Variants in CLEC2B observed in about 807,000 individuals in gnomAD.
CLEC2B encodes C-type lectin domain family 2 member B.
A neutral mutation model predicts 16.2 loss-of-function variants in CLEC2B; 14 were observed. The observed-to-expected ratio is 0.86, with a 90% CI of 0.57 to 1.35. The LOEUF (loss-of-function observed/expected upper bound fraction) is 1.35, where lower values mean the gene tolerates loss of function less well. CLEC2B is among the 40% of genes most tolerant of loss of function. The pLI, the probability that CLEC2B is intolerant of heterozygous loss-of-function variation, is 0.00. For synonymous variants in CLEC2B, 42 were observed against 55.8 expected (o/e 0.75, Z 1.10); for missense variants, 166 against 182.3 (o/e 0.91, Z 0.52).
intron 2 of CLEC2B, among the ~76,000 whole-genome samples, chr12:9,861,849 A>G (rs1044139723): frequency 6.6e-6 from 1 of 152,158 alleles, no homozygotes; most frequent in Admixed American, 6.5e-5. Flanking sequence ...TAATATTTAC[A>G]TTTCCATGTT....
intron 3 of CLEC2B, among the ~76,000 whole-genome samples, chr12:9,855,686 C>G (rs1867890084): frequency 6.6e-6 from 1 of 151,780 alleles, no homozygotes; most frequent in African/African-American, 2.4e-5. Context: ...TGACAGAGAA[C>G]TGGGAGATGT....
At chr12:9,865,845 C>T (rs990588787) in intron 1 of CLEC2B, among the ~76,000 whole-genome samples, 5 of 152,110 alleles carry the variant, frequency 3.3e-5, no homozygotes, top group African/African-American at 1.2e-4. Flanking sequence ...AAGTCAATAA[C>T]TTGAGAAACC....
chr12:9,860,479 T>A (rs1435974543), intron 2 of CLEC2B, among the ~76,000 whole-genome samples: 3 of 151,776 alleles, frequency 2.0e-5, no homozygotes, highest in African/African-American at 7.2e-5. Context: ...TGAAATCTAT[T>A]CTGAAAACTA....
chr12:9,861,284 T>C (rs909404787), intron 2 of CLEC2B, among the ~76,000 whole-genome samples: 2 of 151,942 alleles, frequency 1.3e-5, no homozygotes, highest in Non-Finnish European at 2.9e-5. Flanking sequence ...AACATTCCCA[T>C]CACAAAATAT....
intron 1 of CLEC2B, among the ~76,000 whole-genome samples, chr12:9,863,666 T>C (rs913428869): frequency 6.6e-6 from 1 of 152,050 alleles, no homozygotes; most frequent in East Asian, 1.9e-4. Flanking sequence ...GAACCGAAAA[T>C]TTTATTAGCG....
chr12:9,853,238 C>T lies in CLEC2B; in HGVS notation c.*62G>A. On this transcript the variant is annotated 3_prime_UTR_variant, in exon 5 of 5. Coordinates refer to ENST00000228438, the MANE Select transcript of CLEC2B (RefSeq NM_005127.3). ...CGAACTTTGTTTAATTAAAAAAGTA[C>T]TTTGCTGGTTTTACACTTAATAATG... 8 of 1,297,198 alleles carry T rather than the reference C, an allele frequency of 6.2e-6. No individual in the cohort carries two copies. The highest frequency in any genetic ancestry group is 1.2e-5 in the South Asian group (1 of 81,622). 80.4% of individuals were successfully genotyped at this position (1,297,198 alleles called of 1,614,324 possible). A position where few individuals can be genotyped will look rare whatever the true frequency, so the allele number is the denominator to read the frequency against.
intron 1 of CLEC2B, among the ~76,000 whole-genome samples, chr12:9,866,507 T>C (rs1294946940): frequency 8.5e-5 from 13 of 152,180 alleles, no homozygotes; most frequent in African/African-American, 2.4e-4. Flanking sequence ...TTAGAAAGTA[T>C]AGTTACAACA....
intron 3 of CLEC2B, among the ~76,000 whole-genome samples, chr12:9,855,691 A>G (rs989335820): frequency 6.6e-6 from 1 of 152,056 alleles, no homozygotes; most frequent in Non-Finnish European, 1.5e-5. Flanking sequence ...GAGAACTGGG[A>G]GATGTGTTTC....
In CLEC2B at chr12:9,857,594, C is replaced by A; in HGVS notation, c.117G>T (p.Trp39Cys). ...RDSQSLCPYDWIGFQNKCYYF... is the reference protein window; with the variant it reads ...RDSQSLCPYDCIGFQNKCYYF... ...AATAGCATTTGTTTTGGAAACCAAT[C>A]CAATCATAGGGGCATAAACTCTGAG... Residue 39 changes from tryptophan to cysteine, a missense_variant, in exon 3 of 5, where the codon TGG becomes TGT. Transcript: ENST00000228438. 3 of 1,611,064 alleles carry A rather than the reference C, an allele frequency of 1.9e-6. No individual in the cohort carries two copies. The Admixed American group carries it at 5.0e-5, about 27-fold the overall frequency.
chr12:9,860,435 T>C (rs1163627065), intron 2 of CLEC2B, among the ~76,000 whole-genome samples: 4 of 151,798 alleles, frequency 2.6e-5, no homozygotes, highest in African/African-American at 7.2e-5. Context: ...TTATAGCGCA[T>C]TGAGTCTTTA....
intron 1 of CLEC2B, among the ~76,000 whole-genome samples, chr12:9,864,070 T>A: frequency 6.9e-6 from 1 of 145,800 alleles, no homozygotes; most frequent in Non-Finnish European, 1.5e-5. Flanking sequence ...GAGAAGCAAA[T>A]AATATTTAAA....
At chr12:9,858,102 T>C (rs1867907863) in intron 2 of CLEC2B, among the ~76,000 whole-genome samples, 1 of 152,066 alleles carries the variant, frequency 6.6e-6, no homozygotes, top group African/African-American at 2.4e-5. Context: ...TCACCATCAC[T>C]GTATAGCTCC....
rs746081758 is a variant in CLEC2B, at chr12:9,853,335, C to T, written c.415G>A (p.Glu139Lys). The T allele has an allele frequency of 1.9e-5, 30 of 1,613,654 alleles. No homozygotes were observed. The highest frequency in any genetic ancestry group is 3.3e-5 in the Admixed American group (2 of 60,004). The change falls in exon 5 of 5, where the codon GAA (glutamate) becomes AAA (lysine). Residue 139 changes from glutamate to lysine, a missense_variant. Transcript: ENST00000228438. ...CTTTTCCTGCAAATCCATTTTCTTT[C>T]GGTGTAACATCTAGCTGTTGCTGCA... is the stretch of plus-strand genomic sequence containing the variant. ...DGAATARCYT[E>K]RKWICRKRIH
chr12:9,854,433 T>G lies in CLEC2B; in HGVS notation c.289A>C (p.Met97Leu). 2 of 1,613,804 alleles carry G rather than the reference T, an allele frequency of 1.2e-6. No homozygotes were observed. The highest frequency in any genetic ancestry group is 2.2e-5 in the South Asian group (2 of 91,072). ...CSSDHWIGLKMAKNRTGQWVD... is the reference protein window; with the variant it reads ...CSSDHWIGLKLAKNRTGQWVD... The stretch of plus-strand genomic sequence containing the variant: ...CATTGTCCTGTTCGATTTTTTGCCA[T>G]CTTCAGTCCAATCCAGTGATCAGAA... Residue 97 changes from methionine (M) to leucine (L), a missense_variant, in exon 4 of 5, where the codon ATG (methionine) becomes CTG (leucine). Coordinates refer to ENST00000228438, the MANE Select transcript of CLEC2B (RefSeq NM_005127.3).
chr12:9,857,337 A>C, intron 3 of CLEC2B, 137 bp downstream of exon 3: 2 of 654,084 alleles, frequency 3.1e-6, no homozygotes, highest in South Asian at 4.0e-5. Context: ...TTTATGTCAC[A>C]TGGCATACTC....
At chr12:9,862,890 T>TGG (rs1448201134) in intron 1 of CLEC2B, among the ~76,000 whole-genome samples, 1 of 152,144 alleles carries the variant, frequency 6.6e-6, no homozygotes, top group African/African-American at 2.4e-5. Context: ...GAGATCAAGA[T>TGG]GGATAACCAG....
intron 1 of CLEC2B, among the ~76,000 whole-genome samples, chr12:9,866,042 A>G (rs1867968020): frequency 6.6e-6 from 1 of 152,116 alleles, no homozygotes; most frequent in Non-Finnish European, 1.5e-5. Context: ...TGCCTTTAAA[A>G]AAAGGTAAAA....
At chr12:9,860,482 G>GA (rs1361374711) in intron 2 of CLEC2B, among the ~76,000 whole-genome samples, 1 of 151,778 alleles carries the variant, frequency 6.6e-6, no homozygotes, top group African/African-American at 2.4e-5. Flanking sequence ...AATCTATTCT[G>GA]AAAACTAAAA....
Position 9,862,535 on chromosome 12 carries a change from C to A in CLEC2B, c.37G>T (p.Gly13Cys). 2 of 1,464,520 alleles carry A rather than the reference C, an allele frequency of 1.4e-6. No individual in the cohort carries two copies. Among genetic ancestry groups the A allele is most frequent in the Non-Finnish European group, 1.8e-6 (2 of 1,088,074 alleles). The allele number at this position is 1,464,520 out of a possible 1,614,324, so 90.7% of individuals were successfully genotyped here. The change falls in exon 2 of 5, where the codon GGT becomes TGT. Residue 13 changes from glycine to cysteine, a missense_variant. Transcript: ENST00000228438. ...TKHKKCFIIV[G>C]VLITTNIITL... ...ATAATATTAGTTGTTATTAAAACAC[C>A]AACAATTATAAAACACTTTTTATGT...
Sources: gnomAD v4.1 joint callset for allele counts (sites outside exome capture counted in the v4.1 genomes callset) on GRCh38, gnomAD v4.1.1 for gene constraint, MANE v1.5 for transcripts, NCBI Gene and HGNC (gene_info 2026-07-23, HGNC 2026-07-21) for gene names.